Variants in MBOAT2 observed in about 807,000 individuals in gnomAD.
MBOAT2 encodes the protein membrane bound glycerophospholipid O-acyltransferase 2.
MBOAT2 carries 28 observed loss-of-function variants against 63.4 expected under a neutral mutation model. That is an observed-to-expected ratio of 0.44 (90% CI 0.33 to 0.61). The LOEUF is 0.61. Among genes scored for constraint, MBOAT2 ranks in the 20% least tolerant of loss-of-function variants. MBOAT2 has a pLI of 0.03. For missense variants in MBOAT2, 470 were observed against 605.8 expected (o/e 0.78, Z 2.35); for synonymous variants, 211 against 215.6 (o/e 0.98, Z 0.19).
intron 2 of MBOAT2, among the ~76,000 whole-genome samples, chr2:8,950,856 T>C (rs1157658067): frequency 6.6e-6 from 1 of 152,140 alleles, no homozygotes; most frequent in Non-Finnish European, 1.5e-5. Context: ...TGACAGGATG[T>C]TGGATTTTAT....
At chr2:8,941,646 T>A (rs1668058579) in intron 3 of MBOAT2, among the ~76,000 whole-genome samples, 1 of 149,590 alleles carries the variant, frequency 6.7e-6, no homozygotes, top group African/African-American at 2.5e-5. Flanking sequence ...TGAGACTCCG[T>A]CTCAAAGGAA....
At chr2:8,918,461 G>A (rs1197865834) in intron 3 of MBOAT2, among the ~76,000 whole-genome samples, 1 of 152,188 alleles carries the variant, frequency 6.6e-6, no homozygotes, top group East Asian at 1.9e-4. Flanking sequence ...ATTATCAAAT[G>A]TAACACAGAG....
chr2:8,961,663 T>C (rs1669612171), intron 1 of MBOAT2, among the ~76,000 whole-genome samples: 1 of 151,938 alleles, frequency 6.6e-6, no homozygotes, highest in Admixed American at 6.6e-5. Flanking sequence ...GTAACTGGGG[T>C]AACTGGTTTT....
chr2:8,943,989 G>A (rs779368676), intron 2 of MBOAT2, among the ~76,000 whole-genome samples: 4 of 151,910 alleles, frequency 2.6e-5, no homozygotes, highest in South Asian at 2.1e-4. Context: ...TCAGCCTCCC[G>A]AGTAGCTGGG....
intron 1 of MBOAT2, among the ~76,000 whole-genome samples, chr2:8,986,850 C>G (rs1362433196): frequency 1.3e-5 from 2 of 152,150 alleles, no homozygotes; most frequent in African/African-American, 4.8e-5. Flanking sequence ...GAGCACACCC[C>G]CAAGTGGTGG....
In MBOAT2 at chr2:8,960,035, G is replaced by A. The variant is rs184717988; in HGVS notation, c.76-1393C>T. Among the ~76,000 whole-genome samples the A allele has an allele frequency of 5.3e-5, 8 of 152,304 alleles. No individual in the cohort carries two copies. The East Asian group carries it at 1.2e-3, about 22-fold the overall frequency. ...ATATCAAGGAGAAAAACAGTAGAAC[G>A]TTGTTGTACACTGTCTAAGAAACAA... On this transcript the variant is annotated intron_variant, in intron 1 of 12. Coordinates refer to ENST00000305997, the MANE Select transcript of MBOAT2 (RefSeq NM_138799.4).
intron 5 of MBOAT2, among the ~76,000 whole-genome samples, 165 bp downstream of exon 5, chr2:8,887,853 G>T (rs1011468580): frequency 6.6e-6 from 1 of 152,280 alleles, no homozygotes; most frequent in South Asian, 2.1e-4. Context: ...AGGAAAGCAA[G>T]AAAGCAAGCA....
At chr2:8,952,736 C>A (rs892465582) in intron 2 of MBOAT2, among the ~76,000 whole-genome samples, 8 of 148,144 alleles carry the variant, frequency 5.4e-5, no homozygotes, top group African/African-American at 2.0e-4. Flanking sequence ...TTATGTAACG[C>A]CCTTTTTTTT....
intron 6 of MBOAT2, among the ~76,000 whole-genome samples, chr2:8,879,335 AC>A (rs1467662297): frequency 6.6e-6 from 1 of 152,184 alleles, no homozygotes; most frequent in Admixed American, 6.5e-5. Context: ...ACTATGTATC[AC>A]CGTTAGCAAG....
chr2:8,933,289 T>C (rs1667447772), intron 3 of MBOAT2, among the ~76,000 whole-genome samples: 1 of 152,210 alleles, frequency 6.6e-6, no homozygotes, highest in Admixed American at 6.5e-5. Flanking sequence ...GTTTCAGTAA[T>C]ATATAATTAT....
intron 4 of MBOAT2, among the ~76,000 whole-genome samples, chr2:8,906,812 G>C (rs563409042): frequency 6.6e-6 from 1 of 152,324 alleles, no homozygotes; most frequent in South Asian, 2.1e-4. Flanking sequence ...AATTCAATTT[G>C]CCTATGTAAA....
intron 1 of MBOAT2, among the ~76,000 whole-genome samples, chr2:8,971,575 T>C (rs1670460782): frequency 6.6e-6 from 1 of 152,206 alleles, no homozygotes; most frequent in South Asian, 2.1e-4. Flanking sequence ...GGAAGTCAAA[T>C]TGTCCCTGTT....
chr2:8,966,658 T>A (rs1670014614), intron 1 of MBOAT2, among the ~76,000 whole-genome samples: 1 of 152,132 alleles, frequency 6.6e-6, no homozygotes, highest in Non-Finnish European at 1.5e-5. Flanking sequence ...CTTTATGAGA[T>A]AAAACAAAGC....
chr2:8,893,649 G>A (rs1235101313), intron 4 of MBOAT2, among the ~76,000 whole-genome samples: 2 of 152,216 alleles, frequency 1.3e-5, no homozygotes, highest in African/African-American at 2.4e-5. Flanking sequence ...TCCTGGAGAA[G>A]CTTTCTCTTG....
intron 1 of MBOAT2, among the ~76,000 whole-genome samples, chr2:8,979,848 C>G (rs1040749760): frequency 2.6e-5 from 4 of 152,130 alleles, no homozygotes; most frequent in African/African-American, 9.7e-5. Context: ...CAAGACTCAA[C>G]ATGGAGTCCT....
chr2:8,967,769 A>G (rs1024690873), intron 1 of MBOAT2, among the ~76,000 whole-genome samples: 23 of 152,174 alleles, frequency 1.5e-4, no homozygotes, highest in Non-Finnish European at 3.1e-4. Context: ...TATGATAAAG[A>G]TAATATCTGA....
intron 1 of MBOAT2, among the ~76,000 whole-genome samples, chr2:8,963,016 G>A (rs1210157992): frequency 3.3e-5 from 5 of 152,064 alleles, no homozygotes; most frequent in Non-Finnish European, 7.4e-5. Context: ...GCCAAGACAG[G>A]AAGATCACTT....
Position 8,862,474 on chromosome 2 carries a change from G to T in MBOAT2, c.1185+116C>A. ...GTACACACCTCGCTTCTAGTGGAAA[G>T]GACAATACTGACCACGACCAAGGAA... On this transcript the variant is annotated intron_variant, in intron 11 of 12. Transcript: ENST00000305997. The surrounding 1 kb of genome is among the most constrained non-coding windows in gnomAD (Gnocchi z 4.3). 1 of 1,397,244 alleles carries T rather than the reference G, an allele frequency of 7.2e-7. No individual in the cohort carries two copies. The highest frequency in any genetic ancestry group is 9.8e-7 in the Non-Finnish European group (1 of 1,022,110). 86.6% of individuals were successfully genotyped at this position (1,397,244 alleles called of 1,614,324 possible). A position where few individuals can be genotyped will look rare whatever the true frequency, so the allele number is the denominator to read the frequency against.
intron 4 of MBOAT2, among the ~76,000 whole-genome samples, chr2:8,897,145 C>T (rs530777972): frequency 6.6e-5 from 10 of 151,402 alleles, no homozygotes; most frequent in African/African-American, 2.5e-4. Flanking sequence ...TTCTTTGTCT[C>T]TGTCTCTTCC....
Sources: allele counts gnomAD v4.1 joint callset (sites outside exome capture counted in the v4.1 genomes callset), GRCh38; gene constraint gnomAD v4.1.1; non-coding constraint Gnocchi (gnomAD v3.1); transcripts MANE v1.5; gene names NCBI Gene and HGNC (gene_info 2026-07-23, HGNC 2026-07-21).